OR51B5: variants seen among roughly 807,000 people sequenced by gnomAD.
OR51B5 encodes olfactory receptor 51B5.
For synonymous variants in OR51B5, 186 were observed against 144.8 expected (o/e 1.28, Z -2.04); for missense variants, 456 against 374.6 (o/e 1.22, Z -1.79).
chr11:5,343,802 A>ATGCTT (rs1244773300), upstream of OR51B5, among the ~76,000 whole-genome samples: 3 of 152,224 alleles, frequency 2.0e-5, no homozygotes, highest in Admixed American at 6.5e-5. Flanking sequence ...CTTCAGAAAA[A>ATGCTT]AAATTATGTA....
chr11:5,405,696 C>T (rs2647580), intron 1 of OR51B5, among the ~76,000 whole-genome samples: 127,567 of 152,158 alleles, frequency 0.84, 53,966 homozygotes, highest in Non-Finnish European at 0.89. Context: ...TGCTTGCATT[C>T]TGCATTGTAA....
At chr11:5,361,879 C>T (rs531039662) in intron 1 of OR51B5, among the ~76,000 whole-genome samples, 1 of 152,256 alleles carries the variant, frequency 6.6e-6, no homozygotes, top group East Asian at 1.9e-4. Context: ...AAACCAGCTT[C>T]CTCTTTGCCT....
At chr11:5,365,949 G>C (rs1409960356) in intron 1 of OR51B5, among the ~76,000 whole-genome samples, 2 of 152,176 alleles carry the variant, frequency 1.3e-5, no homozygotes, top group Non-Finnish European at 2.9e-5. Context: ...GGCTCAGCAT[G>C]ATCACCAGCA....
upstream of OR51B5, among the ~76,000 whole-genome samples, chr11:5,343,848 AGAT>A (rs1356579588): frequency 5.3e-5 from 8 of 152,360 alleles, no homozygotes; most frequent in African/African-American, 1.7e-4. Context: ...TTAACTATGC[AGAT>A]TTTAAAGAAT....
At chr11:5,349,256 C>T (rs922477303) in intron 1 of OR51B5, among the ~76,000 whole-genome samples, 1 of 151,720 alleles carries the variant, frequency 6.6e-6, no homozygotes, top group African/African-American at 2.4e-5. Context: ...ACAGACAAGA[C>T]AAACAGCTAT....
chr11:5,355,086 C>T, intron 1 of OR51B5: 1 of 178,026 alleles, frequency 5.6e-6, no homozygotes. Flanking sequence ...TGAAGAATCA[C>T]ATCACCAAGT....
intron 1 of OR51B5, chr11:5,389,532 T>G (rs772389044): frequency 1.9e-6 from 3 of 1,614,020 alleles, no homozygotes; most frequent in Non-Finnish European, 2.5e-6. Flanking sequence ...CCCTTTTTCT[T>G]TATGTACATG....
intron 1 of OR51B5, among the ~76,000 whole-genome samples, chr11:5,371,881 A>G (rs770662353): frequency 3.3e-5 from 5 of 152,138 alleles, no homozygotes; most frequent in Non-Finnish European, 7.4e-5. Flanking sequence ...GCAAGTTTAT[A>G]ACCTTTGACC....
At chr11:5,389,404 A>T in intron 1 of OR51B5, 1 of 1,610,800 alleles carries the variant, frequency 6.2e-7, no homozygotes, top group Non-Finnish European at 8.5e-7. Flanking sequence ...GAGGAATGTC[A>T]GTCCAATATT....
chr11:5,361,617 T>C (rs1363692486), intron 1 of OR51B5, among the ~76,000 whole-genome samples: 1 of 152,196 alleles, frequency 6.6e-6, no homozygotes, highest in Non-Finnish European at 1.5e-5. Flanking sequence ...TCAGTCAAGA[T>C]GTGATGGGGT....
At chr11:5,404,382 T>C (rs962998046) in intron 1 of OR51B5, among the ~76,000 whole-genome samples, 2 of 151,994 alleles carry the variant, frequency 1.3e-5, no homozygotes, top group East Asian at 1.9e-4. Context: ...TAAAGATTAG[T>C]AAATACACCA....
At chr11:5,476,179 A>G (rs1302469391) in intron 1 of OR51B5, among the ~76,000 whole-genome samples, 1 of 152,216 alleles carries the variant, frequency 6.6e-6, no homozygotes, top group African/African-American at 2.4e-5. Flanking sequence ...AGTGGATTAT[A>G]ACTATTTCCC....
chr11:5,390,648 G>T lies in OR51B5; in HGVS notation n.85-43738C>A, dbSNP rs1849781923. On this transcript the variant is annotated intron_variant and non_coding_transcript_variant, in intron 1 of 4. Transcript: ENST00000415970. ...AACTTTATTGAAGGTCATCATCAAT[G>T]TAACTAAAACTAAAATGAAACTAAA... 5 of 388,948 alleles carry T rather than the reference G, an allele frequency of 1.3e-5. No individual in the cohort carries two copies. In the East Asian group the frequency reaches 2.0e-4, roughly 15 times the overall value. The allele number at this position is 388,948 out of a possible 1,614,324, so 24.1% of individuals were successfully genotyped here.
intron 1 of OR51B5, among the ~76,000 whole-genome samples, chr11:5,350,695 C>T (rs764293542): frequency 3.3e-5 from 5 of 152,144 alleles, no homozygotes; most frequent in African/African-American, 4.8e-5. Flanking sequence ...CAATTAGTGC[C>T]TTCAAAAGCT....
intron 1 of OR51B5, among the ~76,000 whole-genome samples, chr11:5,416,466 A>C (rs1288829655): frequency 1.3e-5 from 2 of 152,064 alleles, no homozygotes; most frequent in African/African-American, 4.8e-5. Context: ...GTATTCAATT[A>C]GGAAAAGAGG....
At chr11:5,422,072 G>C in intron 1 of OR51B5, 1 of 747,230 alleles carries the variant, frequency 1.3e-6, no homozygotes, top group Admixed American at 2.9e-5. Flanking sequence ...TCTTGCTTTA[G>C]TTACCCTCAA....
intron 1 of OR51B5, among the ~76,000 whole-genome samples, chr11:5,349,689 C>T (rs999284104): frequency 2.0e-5 from 3 of 152,156 alleles, no homozygotes; most frequent in African/African-American, 7.2e-5. Flanking sequence ...CATACTGCTT[C>T]TTTAATCCTG....
chr11:5,342,779 AAAACCAGG>A lies in OR51B5; in HGVS notation c.738_745del (p.Val248CysfsTer41). ...AGACAATCCAATCACTGTGACATAA[AAAACCAGG>A]ACACAGCAGATATGGGAGACACAGG... On this transcript the variant is annotated frameshift_variant, in exon 1 of 1. Transcript: ENST00000300773. LOFTEE classifies it low-confidence loss of function (END_TRUNC). 3.7e-6 allele frequency: 6 copies of A among 1,613,758 alleles called. No individual in the cohort carries two copies. The highest frequency in any genetic ancestry group is 5.1e-6 in the Non-Finnish European group (6 of 1,179,816).
At chr11:5,504,145 GA>G (rs1256327271) in intron 1 of OR51B5, among the ~76,000 whole-genome samples, 1 of 151,324 alleles carries the variant, frequency 6.6e-6, no homozygotes, top group African/African-American at 2.4e-5. Flanking sequence ...AAAACATATA[GA>G]AAAAAAATAT....
Sources: gnomAD v4.1 joint callset for allele counts (sites outside exome capture counted in the v4.1 genomes callset) on GRCh38, gnomAD v4.1.1 for gene constraint, MANE v1.5 for transcripts, NCBI Gene and HGNC (gene_info 2026-07-23, HGNC 2026-07-21) for gene names.